CREB3L3: variants seen among roughly 807,000 people sequenced by gnomAD.
CREB3L3 encodes the protein cAMP responsive element binding protein 3 like 3.
Under a neutral mutation model 44.6 loss-of-function variants are expected in CREB3L3, and 40 were observed. The observed-to-expected ratio is 0.90, with a 90% CI of 0.70 to 1.17. The LOEUF is 1.17. Ranked by LOEUF, CREB3L3 falls within the 50% of genes most tolerant of loss-of-function variation. The pLI is 0.00. For synonymous variants in CREB3L3, 273 were observed against 256.3 expected (o/e 1.06, Z -0.62); for missense variants, 578 against 595.8 (o/e 0.97, Z 0.31).
chr19:4,166,981 C>T (rs1180393628), intron 5 of CREB3L3, among the ~76,000 whole-genome samples: 1 of 152,124 alleles, frequency 6.6e-6, no homozygotes, highest in African/African-American at 2.4e-5. Flanking sequence ...ATCCTCTTGC[C>T]TTGGCCTCCC....
chr19:4,164,612 C>T lies in CREB3L3; in HGVS notation c.686C>T (p.Thr229Ile), dbSNP rs1295598624. The T allele has an allele frequency of 6.2e-6, 10 of 1,614,080 alleles. No individual in the cohort carries two copies. The highest frequency in any genetic ancestry group is 8.5e-6 in the Non-Finnish European group (10 of 1,180,040). The change falls in exon 5 of 10, where the codon ACC becomes ATC. Residue 229 changes from threonine to isoleucine, a missense_variant. By Grantham distance (89) the Thr-to-Ile change is moderately conservative. Transcript: ENST00000078445. ...EKKLLAKEGI[T>I]LPTQLPLTKY... is the part of the protein sequence containing the mutation. Reference sequence around the variant, plus strand: ...AAGCTGCTGGCTAAAGAAGGCATCACCCTGCCCACTCAGCTGCCCCTCACT... The same window carrying T: ...AAGCTGCTGGCTAAAGAAGGCATCATCCTGCCCACTCAGCTGCCCCTCACT...
At chr19:4,159,812 G>A (rs780588701) in intron 4 of CREB3L3, 30 bp downstream of exon 4, 10 of 974,194 alleles carry the variant, frequency 1.0e-5, no homozygotes, top group African/African-American at 1.6e-5. Context: ...CCCATGGGGC[G>A]TTGGAGCTGG....
chr19:4,164,961 G>A (rs376426143), intron 5 of CREB3L3, among the ~76,000 whole-genome samples: 8 of 151,866 alleles, frequency 5.3e-5, no homozygotes, highest in East Asian at 1.9e-4. Context: ...CTCCTGCCTC[G>A]GTCTCCCAAA....
At chr19:4,164,907 C>G (rs1186134574) in intron 5 of CREB3L3, among the ~76,000 whole-genome samples, 1 of 151,578 alleles carries the variant, frequency 6.6e-6, no homozygotes, top group Non-Finnish European at 1.5e-5. Flanking sequence ...CAGGGTTTCA[C>G]CATGTTGGCC....
intron 1 of CREB3L3, among the ~76,000 whole-genome samples, chr19:4,154,323 C>T (rs1017088937): frequency 1.3e-5 from 2 of 152,090 alleles, no homozygotes; most frequent in African/African-American, 4.8e-5. Flanking sequence ...CTGCCCGCCT[C>T]GGCTTCCCAG....
chr19:4,164,608 A>G lies in CREB3L3; in HGVS notation c.682A>G (p.Ile228Val). The G allele has an allele frequency of 1.9e-6, 3 of 1,614,078 alleles. No homozygotes were observed. Among genetic ancestry groups the G allele is most frequent in the Non-Finnish European group, 8.5e-7 (1 of 1,180,038 alleles). ...GAAGAAGCTGCTGGCTAAAGAAGGC[A>G]TCACCCTGCCCACTCAGCTGCCCCT... is the stretch of plus-strand genomic sequence containing the variant. ...DEKKLLAKEG[I>V]TLPTQLPLTK... Residue 228 changes from isoleucine (I) to valine (V), a missense_variant, in exon 5 of 10, where the codon ATC (isoleucine) becomes GTC (valine). By Grantham distance (29) the Ile-to-Val change is conservative. Transcript: ENST00000078445.
At chr19:4,168,064 T>C (rs1966959080) in intron 5 of CREB3L3, among the ~76,000 whole-genome samples, 1 of 151,868 alleles carries the variant, frequency 6.6e-6, no homozygotes, top group African/African-American at 2.4e-5. Context: ...AATGGCACGA[T>C]CTTGGCTCAC....
Position 4,168,455 on chromosome 19 carries a change from T to C in CREB3L3, c.819T>C (p.Thr273=). 1 of 1,604,038 alleles carries C rather than the reference T, an allele frequency of 6.2e-7. No individual in the cohort carries two copies. The highest frequency in any genetic ancestry group is 8.5e-7 in the Non-Finnish European group (1 of 1,173,728). The stretch of plus-strand genomic sequence containing the variant: ...AGGAATATATCGATGGCCTGGAGAC[T>C]CGGTGGGTAGTGCTGGACCCAGACT... ...KKKEYIDGLE[T]RMSACTAQNQ... is the part of the protein sequence containing the mutation. The change falls in exon 6 of 10, where the codon ACT becomes ACC. Residue 273 remains threonine (T), a splice_region_variant and synonymous_variant. Coordinates refer to ENST00000078445, the MANE Select transcript of CREB3L3 (RefSeq NM_032607.3).
At chr19:4,166,280 G>A (rs1052522704) in intron 5 of CREB3L3, among the ~76,000 whole-genome samples, 3 of 151,334 alleles carry the variant, frequency 2.0e-5, no homozygotes, top group African/African-American at 4.9e-5. Flanking sequence ...CTGAGACGGA[G>A]TTTCGCTTTT....
chr19:4,156,851 C>G (rs148029482), intron 2 of CREB3L3, 144 bp from the exon 3 acceptor site: 7 of 817,450 alleles, frequency 8.6e-6, no homozygotes, highest in Admixed American at 2.5e-5. Flanking sequence ...TCAGCAGCCC[C>G]GGGAGGAAGA....
rs776284432 is a variant in CREB3L3 at position 4,171,276 on chromosome 19, A to C, written c.975+101A>C. 5.1e-5 allele frequency: 74 copies of C among 1,447,880 alleles called. No individual in the cohort carries two copies. Among genetic ancestry groups the C allele is most frequent in the Non-Finnish European group, 7.1e-5 (73 of 1,032,754 alleles). The allele number at this position is 1,447,880 out of a possible 1,614,324, so 89.7% of individuals were successfully genotyped here. ...CCAAGCTCTCCTTGTGCCCCAGCTC[A>C]AGTATGATCCAGTCTGGTCTTTGGG... On this transcript the variant is annotated intron_variant, in intron 8 of 9. Transcript: ENST00000078445. The surrounding 1 kb of genome is among the most constrained non-coding windows in gnomAD (Gnocchi z 4.9).
In CREB3L3 at chr19:4,159,782, G is replaced by A; in HGVS notation, c.576G>A (p.Leu192=). ...DLLLSGSSGD[L]QQHHLGASYL... is the part of the protein sequence containing the mutation. ...TCCTTTCGGGCAGCAGTGGGGACCT[G>A]GTGAGCACCCCCACACCCTCCCATG... Residue 192 remains leucine (L), a splice_region_variant and synonymous_variant, in exon 4 of 10, where the codon CTG becomes CTA. Transcript: ENST00000078445. 1 of 1,334,828 alleles carries A rather than the reference G, an allele frequency of 7.5e-7. No homozygotes were observed. The highest frequency in any genetic ancestry group is 1.1e-6 in the Non-Finnish European group (1 of 925,098). 82.7% of individuals were successfully genotyped at this position (1,334,828 alleles called of 1,614,324 possible).
intron 4 of CREB3L3, among the ~76,000 whole-genome samples, chr19:4,162,840 T>C (rs1419853098): frequency 6.6e-6 from 1 of 152,050 alleles, no homozygotes; most frequent in African/African-American, 2.4e-5. Flanking sequence ...TAGCCAAGCA[T>C]GGCGGTACGC....
At chr19:4,156,703 T>C (rs1225815297) in intron 2 of CREB3L3, among the ~76,000 whole-genome samples, 1 of 151,466 alleles carries the variant, frequency 6.6e-6, no homozygotes, top group Non-Finnish European at 1.5e-5. Context: ...GGTTTCATCA[T>C]GTTGGCCAGG....
chr19:4,169,371 T>G (rs1428365220), intron 6 of CREB3L3, among the ~76,000 whole-genome samples: 2 of 151,716 alleles, frequency 1.3e-5, no homozygotes, highest in African/African-American at 4.8e-5. Flanking sequence ...TCCCAGCTAC[T>G]CGGGAGGCTG....
intron 7 of CREB3L3, 124 bp downstream of exon 7, chr19:4,170,332 G>A (rs1329721929): frequency 1.8e-5 from 17 of 923,198 alleles, no homozygotes; most frequent in East Asian, 1.3e-4. Flanking sequence ...CCTATGGGCC[G>A]CGTGCAGTGG....
At chr19:4,167,546 G>A (rs200397693) in intron 5 of CREB3L3, among the ~76,000 whole-genome samples, 7,668 of 125,832 alleles carry the variant, frequency 0.061, 466 homozygotes, top group East Asian at 0.23. Flanking sequence ...GGAAGGGAGG[G>A]AGGGAGGGAG....
At chr19:4,156,479 G>A (rs904492533) in intron 2 of CREB3L3, among the ~76,000 whole-genome samples, 1 of 142,100 alleles carries the variant, frequency 7.0e-6, no homozygotes, top group Non-Finnish European at 1.5e-5. Context: ...GAGCCACCGT[G>A]CCTGGCTCTT....
In CREB3L3 at chr19:4,156,987, C is replaced by G; in HGVS notation, c.157-8C>G. On this transcript the variant is annotated splice_region_variant and splice_polypyrimidine_tract_variant and intron_variant, in intron 2 of 9. Coordinates refer to ENST00000078445, the MANE Select transcript of CREB3L3 (RefSeq NM_032607.3). ...CTAATTCCTACTACCCCTCCCTGTC[C>G]ACCCCAGCAGGTCCTGCCAAACCCC... 1 of 1,614,032 alleles carries G rather than the reference C, an allele frequency of 6.2e-7. No individual in the cohort carries two copies. The highest frequency in any genetic ancestry group is 8.5e-7 in the Non-Finnish European group (1 of 1,179,982).
Sources: allele counts gnomAD v4.1 joint callset (sites outside exome capture counted in the v4.1 genomes callset), GRCh38; gene constraint gnomAD v4.1.1; non-coding constraint Gnocchi (gnomAD v3.1); transcripts MANE v1.5; gene names NCBI Gene and HGNC (gene_info 2026-07-23, HGNC 2026-07-21).